EXOC5: variants seen among roughly 807,000 people sequenced by gnomAD.
EXOC5 encodes exocyst complex component 5, also known as SEC10-like 1.
A neutral mutation model predicts 90.8 loss-of-function variants in EXOC5; 17 were observed. The observed-to-expected ratio is 0.19, with a 90% CI of 0.13 to 0.28. EXOC5 has a LOEUF of 0.28. EXOC5 is among the 10% of genes least tolerant of loss of function. EXOC5 has a pLI of 1.00. For missense variants in EXOC5, 569 were observed against 830.6 expected, an observed-to-expected ratio of 0.69 and a Z score of 3.87; for synonymous variants, 260 against 270.0, an observed-to-expected ratio of 0.96 and a Z score of 0.36.
chr14:57,238,591 T>C (rs1230885222), intron 5 of EXOC5, among the ~76,000 whole-genome samples: 1 of 151,632 alleles, frequency 6.6e-6, no homozygotes, highest in Non-Finnish European at 1.5e-5. Flanking sequence ...GAAGTTTTGG[T>C]GGGTGACTTT....
In EXOC5 at chr14:57,202,043, G is replaced by A. The variant is rs144488995; in HGVS notation, c.*6566C>T. On this transcript the variant is annotated 3_prime_UTR_variant, in exon 18 of 18. Coordinates refer to ENST00000621441, the MANE Select transcript of EXOC5 (RefSeq NM_006544.4). Reference sequence around the variant, plus strand: ...AAAAATGAACATCATCAGAAATGGGGCAAATTGAAATTGTGTACTATGTGA... The same window carrying A: ...AAAAATGAACATCATCAGAAATGGGACAAATTGAAATTGTGTACTATGTGA... 18 of 152,196 alleles carry A rather than the reference G, an allele frequency of 1.2e-4. No homozygotes were observed. Among genetic ancestry groups the A allele is most frequent in the African/African-American group, 3.4e-4 (14 of 41,530 alleles). The allele number at this position is 152,196 out of a possible 1,614,324, so 9.4% of individuals were successfully genotyped here.
intron 5 of EXOC5, 63 bp downstream of exon 5, chr14:57,239,532 G>C (rs1213435518): frequency 1.1e-6 from 1 of 928,068 alleles, no homozygotes; most frequent in Non-Finnish European, 1.6e-6. Context: ...TACAGGAAAA[G>C]ATACTATTTT....
chr14:57,239,697 T>G (rs1334005351), intron 4 of EXOC5, 38 bp from the exon 5 acceptor site: 1 of 1,246,032 alleles, frequency 8.0e-7, no homozygotes. Flanking sequence ...TTTAAAAAAC[T>G]TTTAGGCATA....
chr14:57,250,102 A>C (rs1884145820), intron 1 of EXOC5, among the ~76,000 whole-genome samples: 1 of 152,158 alleles, frequency 6.6e-6, no homozygotes, highest in Non-Finnish European at 1.5e-5. Context: ...AGAAGTCACC[A>C]GGCAAGGCCT....
Position 57,204,713 on chromosome 14 carries a change from C to T in EXOC5, c.*3896G>A, listed in dbSNP as rs1293033701. ...ATAAAGATTTGTGATAGACATATTT[C>T]TATTAGGTACAAACTTAACATTAAA... On this transcript the variant is annotated 3_prime_UTR_variant, in exon 18 of 18. Coordinates refer to ENST00000621441, the MANE Select transcript of EXOC5 (RefSeq NM_006544.4). 2 of 152,268 alleles carry T rather than the reference C, an allele frequency of 1.3e-5. No homozygotes were observed. Among genetic ancestry groups the T allele is most frequent in the Non-Finnish European group, 2.9e-5 (2 of 67,860 alleles). The allele number at this position is 152,268 out of a possible 1,614,324, so 9.4% of individuals were successfully genotyped here. A position where few individuals can be genotyped will look rare whatever the true frequency, so the allele number is the denominator to read the frequency against.
chr14:57,221,102 C>T (rs529835466), intron 13 of EXOC5, among the ~76,000 whole-genome samples: 1 of 152,106 alleles, frequency 6.6e-6, no homozygotes, highest in South Asian at 2.1e-4. Context: ...GAGAAGAGGG[C>T]TACTTTAGCT....
At chr14:57,243,054 C>T (rs1300517545) in intron 4 of EXOC5, among the ~76,000 whole-genome samples, 1 of 152,056 alleles carries the variant, frequency 6.6e-6, no homozygotes, top group Non-Finnish European at 1.5e-5. Flanking sequence ...TATGAGGACA[C>T]AAAAACATAC....
intron 1 of EXOC5, among the ~76,000 whole-genome samples, chr14:57,263,837 T>G (rs993860247): frequency 6.6e-6 from 1 of 151,460 alleles, no homozygotes; most frequent in South Asian, 2.1e-4. Context: ...TCTTAAAATA[T>G]GCACATACAC....
intron 12 of EXOC5, among the ~76,000 whole-genome samples, chr14:57,223,531 CA>C (rs1470949551): frequency 3.3e-5 from 5 of 152,076 alleles, no homozygotes; most frequent in Non-Finnish European, 5.9e-5. Context: ...CCTCCCTCAT[CA>C]GTCTCTCTAC....
chr14:57,219,147 C>CA (rs1883054974), intron 14 of EXOC5, among the ~76,000 whole-genome samples, 175 bp downstream of exon 14: 1 of 151,982 alleles, frequency 6.6e-6, no homozygotes, highest in Non-Finnish European at 1.5e-5. Flanking sequence ...CAAGAAGAAA[C>CA]AATATCTAAT....
chr14:57,247,710 C>T lies in EXOC5; in HGVS notation c.30G>A (p.Glu10=), dbSNP rs35132458. 151 of 1,525,136 alleles carry T rather than the reference C, an allele frequency of 9.9e-5. No individual in the cohort carries two copies. In the South Asian group the frequency reaches 1.8e-3, roughly 18 times the overall value. The allele number at this position is 1,525,136 out of a possible 1,614,324, so 94.5% of individuals were successfully genotyped here. A position where few individuals can be genotyped will look rare whatever the true frequency, so the allele number is the denominator to read the frequency against. MATTAELFE[E]PFVADEYIER... is the part of the protein sequence containing the mutation. ...CAATATATTCATCTGCCACAAAAGGCTCCTAGTTTACAAAAAAATACGCTT... is the reference window on the plus strand; with the variant it reads ...CAATATATTCATCTGCCACAAAAGGTTCCTAGTTTACAAAAAAATACGCTT... The change falls in exon 2 of 18, where the codon GAG becomes GAA. Residue 10 remains glutamate, a splice_region_variant and synonymous_variant. Transcript: ENST00000621441.
rs948981449 is a variant in EXOC5 at position 57,268,702 on chromosome 14, C to T, written c.-54G>A. ...CTGGATGCCGTCTCCGCTTCACATG[C>T]TGCGCCTCAGAGGCGCGGCGCACAG... On this transcript the variant is annotated 5_prime_UTR_variant, in exon 1 of 18. Coordinates refer to ENST00000621441, the MANE Select transcript of EXOC5 (RefSeq NM_006544.4). 43 of 1,556,684 alleles carry T rather than the reference C, an allele frequency of 2.8e-5. No individual in the cohort carries two copies. Among genetic ancestry groups the T allele is most frequent in the Non-Finnish European group, 3.6e-5 (42 of 1,160,556 alleles).
At position 57,210,058 on chromosome 14, in the gene EXOC5, T is replaced by C. The variant is rs774607337; in HGVS notation, c.1617A>G (p.Thr539=). 13 of 1,509,530 alleles carry C rather than the reference T, an allele frequency of 8.6e-6. No individual in the cohort carries two copies. In the African/African-American group the frequency reaches 9.6e-5, roughly 11 times the overall value. The allele number at this position is 1,509,530 out of a possible 1,614,324, so 93.5% of individuals were successfully genotyped here. A position where few individuals can be genotyped will look rare whatever the true frequency, so the allele number is the denominator to read the frequency against. ...EMKLDTGIDR[T]LNCMIGQMKH... is the part of the protein sequence containing the mutation. ...TCATCTGTCCAATCATACAATTTAATGTCCTAGAGAATTGAGAATACAACA... is the reference window on the plus strand; with the variant it reads ...TCATCTGTCCAATCATACAATTTAACGTCCTAGAGAATTGAGAATACAACA... The change falls in exon 16 of 18, where the codon ACA becomes ACG. Residue 539 remains threonine, a synonymous_variant. Coordinates refer to ENST00000621441, the MANE Select transcript of EXOC5 (RefSeq NM_006544.4).
In EXOC5 at chr14:57,201,557, ATATATTAATAT is replaced by A. The variant is rs997092339; in HGVS notation, c.*7041_*7051del. 14 of 118,468 alleles carry A rather than the reference ATATATTAATAT, an allele frequency of 1.2e-4. 1 individual carries two copies. Among genetic ancestry groups the A allele is most frequent in the Middle Eastern group, 4.0e-3 (1 of 248 alleles). The allele number at this position is 118,468 out of a possible 1,614,324, so 7.3% of individuals were successfully genotyped here. On this transcript the variant is annotated 3_prime_UTR_variant, in exon 18 of 18. Transcript: ENST00000621441. The stretch of plus-strand genomic sequence containing the variant: ...ACCACACATATACATATATTTTTAT[ATATATTAATAT>A]TATATATATATATATATATATATAT...
chr14:57,257,178 G>A (rs778261600), intron 1 of EXOC5, among the ~76,000 whole-genome samples: 1 of 152,076 alleles, frequency 6.6e-6, no homozygotes, highest in Non-Finnish European at 1.5e-5. Context: ...AGAAAAAAAA[G>A]GAATAAAAGA....
intron 4 of EXOC5, among the ~76,000 whole-genome samples, chr14:57,241,822 A>C (rs1340290272): frequency 6.6e-6 from 1 of 152,174 alleles, no homozygotes; most frequent in Non-Finnish European, 1.5e-5. Context: ...AGGAACAATA[A>C]GCTGCCATTC....
intron 1 of EXOC5, among the ~76,000 whole-genome samples, chr14:57,248,855 T>A (rs1884103444): frequency 6.6e-6 from 1 of 152,116 alleles, no homozygotes; most frequent in Non-Finnish European, 1.5e-5. Context: ...TGAAATACAA[T>A]GAACTCATTT....
intron 12 of EXOC5, among the ~76,000 whole-genome samples, chr14:57,222,929 G>C (rs142776915): frequency 6.6e-6 from 1 of 151,990 alleles, no homozygotes; most frequent in African/African-American, 2.4e-5. Context: ...AGAATTCTTT[G>C]TTTTACTGGG....
chr14:57,242,717 T>C (rs1391163122), intron 4 of EXOC5, among the ~76,000 whole-genome samples: 3 of 152,068 alleles, frequency 2.0e-5, no homozygotes, highest in Non-Finnish European at 4.4e-5. Context: ...TGGTACAGAG[T>C]CCAGAAATTG....
Sources: allele counts gnomAD v4.1 joint callset (sites outside exome capture counted in the v4.1 genomes callset), GRCh38; gene constraint gnomAD v4.1.1; transcripts MANE v1.5; gene names NCBI Gene and HGNC (gene_info 2026-07-23, HGNC 2026-07-21).